The following MEGF8 variants were observed in gnomAD, a reference collection of about 807,000 sequenced individuals.
MEGF8 encodes multiple epidermal growth factor-like domains protein 8.
Under a neutral mutation model 302.9 loss-of-function variants are expected in MEGF8, and 156 were observed. The observed-to-expected ratio is 0.52, with a 90% CI of 0.45 to 0.59. The LOEUF (loss-of-function observed/expected upper bound fraction) is 0.59. MEGF8 is among the 20% of genes least tolerant of loss of function. The pLI is 0.00. For missense variants in MEGF8, 3,345 were observed against 3,964.5 expected, an observed-to-expected ratio of 0.84 and a Z score of 4.20; for synonymous variants, 1,621 against 1,660.5, an observed-to-expected ratio of 0.98 and a Z score of 0.58.
At chr19:42,349,957 C>T (rs2147473250) in intron 14 of MEGF8, among the ~76,000 whole-genome samples, 191 bp from the exon 15 acceptor site, 1 of 152,260 alleles carries the variant, frequency 6.6e-6, no homozygotes, top group Middle Eastern at 3.4e-3. Context: ...TGACCTCTGC[C>T]CTCCATACTT....
chr19:42,337,769 G>T (rs2039151034), intron 8 of MEGF8, among the ~76,000 whole-genome samples: 2 of 151,666 alleles, frequency 1.3e-5, no homozygotes, highest in African/African-American at 4.8e-5. Flanking sequence ...GCCTCCCAAA[G>T]TGCTGGGATT....
At chr19:42,327,704 G>A (rs2039003284) in intron 1 of MEGF8, among the ~76,000 whole-genome samples, 1 of 152,240 alleles carries the variant, frequency 6.6e-6, no homozygotes, top group Non-Finnish European at 1.5e-5. Context: ...GCATCTGTAC[G>A]AGGGAGCAGA....
In MEGF8 at chr19:42,335,535, C is replaced by G. The variant is rs568890681; in HGVS notation, c.828+150C>G. 7.0e-5 allele frequency: 49 copies of G among 695,314 alleles called. No individual in the cohort carries two copies. In the South Asian group the frequency reaches 9.5e-4, roughly 14 times the overall value. The allele number at this position is 695,314 out of a possible 1,614,324, so 43.1% of individuals were successfully genotyped here. A position where few individuals can be genotyped will look rare whatever the true frequency, so the allele number is the denominator to read the frequency against. ...TTCTCCCTGTTTCTGCCTTTTCTCT[C>G]CGGTTTTCTTTTTTCTTCTTCCTCT... On this transcript the variant is annotated intron_variant, in intron 5 of 41. Coordinates refer to ENST00000251268, the MANE Select transcript of MEGF8 (RefSeq NM_001271938.2).
intron 8 of MEGF8, 39 bp downstream of exon 8, chr19:42,337,245 TC>T: frequency 6.2e-7 from 1 of 1,611,288 alleles, no homozygotes; most frequent in Non-Finnish European, 8.5e-7. Flanking sequence ...CTCCTGAGGG[TC>T]CCACCTCTCT....
chr19:42,352,636 T>G lies in MEGF8; in HGVS notation c.3350+180T>G, dbSNP rs1428886758. On this transcript the variant is annotated intron_variant, in intron 19 of 41. Transcript: ENST00000251268. This position sits in a 1 kb window ranked among gnomAD's most constrained non-coding sequence, Gnocchi z 4.4. ...AGTGACAGGGTCCCCAGTGTAACCCTGGTTACCATGGAAATGGGGCACCCA... is the reference window on the plus strand; with the variant it reads ...AGTGACAGGGTCCCCAGTGTAACCCGGGTTACCATGGAAATGGGGCACCCA... Among the ~76,000 whole-genome samples, 1 of 152,220 alleles carries G rather than the reference T, an allele frequency of 6.6e-6. No individual in the cohort carries two copies. The highest frequency in any genetic ancestry group is 2.4e-5 in the African/African-American group (1 of 41,456).
chr19:42,332,123 G>T lies in MEGF8; in HGVS notation c.188-1482G>T, dbSNP rs567558278. On this transcript the variant is annotated intron_variant, in intron 1 of 41. Coordinates refer to ENST00000251268, the MANE Select transcript of MEGF8 (RefSeq NM_001271938.2). ...CCACCTGCCCTGGCCTCTCAAAAGT[G>T]CTGGGATTACAGGCGTGAGCCACCC... is the stretch of plus-strand genomic sequence containing the variant. Among the ~76,000 whole-genome samples the T allele has an allele frequency of 8.5e-5, 13 of 152,320 alleles. No individual in the cohort carries two copies. In the South Asian group the frequency reaches 2.7e-3, roughly 32 times the overall value.
In MEGF8 at chr19:42,353,880, T is replaced by A. The variant is rs368402363; in HGVS notation, c.3867T>A (p.Gly1289=). 8 of 1,598,002 alleles carry A rather than the reference T, an allele frequency of 5.0e-6. 1 individual carries two copies. The African/African-American group carries it at 9.4e-5, about 19-fold the overall frequency. ...SRRVGGLLPP[G]GGAARAGPGL... ...GGGTCGGGGGGCTGCTGCCTCCAGG[T>A]GGCGGGGCTGCAAGAGCCGGGCCTG... The change falls in exon 22 of 42, where the codon GGT becomes GGA. Residue 1289 remains glycine, a synonymous_variant. Coordinates refer to ENST00000251268, the MANE Select transcript of MEGF8 (RefSeq NM_001271938.2). This position sits in a 1 kb window ranked among gnomAD's most constrained non-coding sequence, Gnocchi z 6.1.
In MEGF8 at chr19:42,356,346, C is replaced by A; in HGVS notation, c.4515C>A (p.Ser1505Arg). The stretch of plus-strand genomic sequence containing the variant: ...GCACCCACCCCTAGGACACTGCCAG[C>A]CGCTTCCTGCACCGCCTGGGCCACA... ...MDSRLSADTA[S>R]RFLHRLGHTM... Residue 1505 changes from serine (S) to arginine (R), a missense_variant, in exon 26 of 42, where the codon AGC becomes AGA. Transcript: ENST00000251268. The surrounding 1 kb of genome is among the most constrained non-coding windows in gnomAD (Gnocchi z 5.2). 1 of 1,612,426 alleles carries A rather than the reference C, an allele frequency of 6.2e-7. No homozygotes were observed. The highest frequency in any genetic ancestry group is 8.5e-7 in the Non-Finnish European group (1 of 1,179,422).
At chr19:42,346,547 C>G (rs1053912936) in intron 12 of MEGF8, among the ~76,000 whole-genome samples, 1 of 152,054 alleles carries the variant, frequency 6.6e-6, no homozygotes, top group Non-Finnish European at 1.5e-5. Context: ...CATGGTGATG[C>G]GTGCCTGTAG....
chr19:42,359,511 T>A (rs749657871), intron 31 of MEGF8, among the ~76,000 whole-genome samples: 2 of 152,076 alleles, frequency 1.3e-5, no homozygotes, highest in Admixed American at 6.5e-5. Flanking sequence ...ATAATCCCTC[T>A]CTCTAGAGAC....
intron 12 of MEGF8, among the ~76,000 whole-genome samples, chr19:42,347,918 TTGTC>T (rs767038886): frequency 2.6e-5 from 4 of 152,336 alleles, no homozygotes; most frequent in African/African-American, 9.6e-5. Context: ...ATCTTGCACT[TTGTC>T]TGCCACTTTG....
chr19:42,332,660 C>T (rs2039070632), intron 1 of MEGF8, among the ~76,000 whole-genome samples: 1 of 152,190 alleles, frequency 6.6e-6, no homozygotes, highest in Non-Finnish European at 1.5e-5. Flanking sequence ...GCCACCGTGC[C>T]CAGCCGGCTT....
rs756577669 is a variant in MEGF8, at chr19:42,353,476, G to T, written c.3562G>T (p.Gly1188Trp). ...TGGGGCCTCCACAGACTGGACATGG[G>T]GGGAGCACTGCGAACGATGCCGGCC... ...FCDECQDWTW[G>W]EHCERCRPGS... Residue 1188 changes from glycine to tryptophan, a missense_variant, in exon 21 of 42, where the codon GGG (glycine) becomes TGG (tryptophan). Coordinates refer to ENST00000251268, the MANE Select transcript of MEGF8 (RefSeq NM_001271938.2). This position sits in a 1 kb window ranked among gnomAD's most constrained non-coding sequence, Gnocchi z 6.1. 6.2e-7 allele frequency: 1 copy of T among 1,610,572 alleles called. No individual in the cohort carries two copies. The highest frequency in any genetic ancestry group is 8.5e-7 in the Non-Finnish European group (1 of 1,179,386).
At chr19:42,346,288 T>G (rs1276492870) in intron 12 of MEGF8, among the ~76,000 whole-genome samples, 4 of 152,232 alleles carry the variant, frequency 2.6e-5, no homozygotes, top group Middle Eastern at 3.4e-3. Flanking sequence ...GCACGGTGGC[T>G]CACGCCTGTA....
chr19:42,355,091 G>A (rs1464811039), intron 23 of MEGF8, among the ~76,000 whole-genome samples: 1 of 152,048 alleles, frequency 6.6e-6, no homozygotes, highest in Non-Finnish European at 1.5e-5. Flanking sequence ...CGAGTAGCTG[G>A]GATTACAGGC....
In MEGF8 at chr19:42,335,091, C is replaced by T; in HGVS notation, c.615C>T (p.His205=). The T allele has an allele frequency of 1.2e-6, 2 of 1,613,978 alleles. No individual in the cohort carries two copies. The highest frequency in any genetic ancestry group is 1.7e-6 in the Non-Finnish European group (2 of 1,179,878). Residue 205 remains histidine, a synonymous_variant, in exon 4 of 42, where the codon CAC becomes CAT. Transcript: ENST00000251268. ...PGFLGRACDL[H]LWENQGAGWW... ...TCTTGGGACGTGCCTGTGACCTGCA[C>T]CTGTGGGAGAACCAGGGGGCTGGGT...
intron 38 of MEGF8, 44 bp from the exon 39 acceptor site, chr19:42,370,145 G>A (rs1383934707): frequency 6.4e-7 from 1 of 1,567,036 alleles, no homozygotes; most frequent in Non-Finnish European, 8.6e-7. Context: ...TCCTACCCCT[G>A]ATGACTCTCC....
chr19:42,359,072 C>CCCCCCCCCCCCCCGGG, intron 30 of MEGF8, 26 bp from the exon 31 acceptor site: 1 of 1,502,158 alleles, frequency 6.7e-7, no homozygotes, highest in South Asian at 1.3e-5. Context: ...GCTGTCCTGT[C>CCCCCCCCCCCCCCGGG]CCCCCACCCC....
chr19:42,376,615 C>G lies in MEGF8; in HGVS notation c.8378C>G (p.Ala2793Gly), dbSNP rs1450820695. 6.5e-7 allele frequency: 1 copy of G among 1,545,326 alleles called. No homozygotes were observed. The change falls in exon 42 of 42, where the codon GCA (alanine) becomes GGA (glycine). Residue 2793 changes from alanine to glycine, a missense_variant. Transcript: ENST00000251268. This position sits in a 1 kb window ranked among gnomAD's most constrained non-coding sequence, Gnocchi z 8.2. ...CTCCAGCTGCCTGGCGGGCCCCATG[C>G]ACCCAACGGCGCCTGCCTGGGGTCA... ...LLLQLPGGPHAPNGACLGSAL... is the reference protein window; with the variant it reads ...LLLQLPGGPHGPNGACLGSAL...
Sources: gnomAD v4.1 joint callset for allele counts (sites outside exome capture counted in the v4.1 genomes callset) on GRCh38, gnomAD v4.1.1 for gene constraint, Gnocchi (gnomAD v3.1) non-coding constraint, MANE v1.5 for transcripts, NCBI Gene and HGNC (gene_info 2026-07-23, HGNC 2026-07-21) for gene names.